CPED1: variants seen among roughly 807,000 people sequenced by gnomAD.
CPED1 encodes the protein cadherin-like and PC-esterase domain-containing protein 1.
In CPED1, 114 loss-of-function variants were observed where a neutral mutation model predicts 128.2. The observed-to-expected ratio is 0.89, with a 90% CI of 0.76 to 1.04. The LOEUF is 1.04. Ranked by LOEUF, CPED1 falls within the 50% of genes least tolerant of loss-of-function variation. The pLI is 0.00. For missense variants in CPED1, 1,211 were observed against 1,207.1 expected (o/e 1.00, Z -0.05); for synonymous variants, 462 against 426.7 (o/e 1.08, Z -1.02).
chr7:121,269,246 A>C (rs771230143), intron 21 of CPED1, among the ~76,000 whole-genome samples: 7 of 152,036 alleles, frequency 4.6e-5, no homozygotes, highest in Non-Finnish European at 5.9e-5. Flanking sequence ...ATAAGTGAGG[A>C]GATGCAGTAT....
At chr7:121,117,040 C>T (rs1795257529) in intron 7 of CPED1, among the ~76,000 whole-genome samples, 1 of 143,010 alleles carries the variant, frequency 7.0e-6, no homozygotes, top group African/African-American at 2.6e-5. Flanking sequence ...TGTATATACA[C>T]ACACATATAT....
chr7:120,992,201 C>T (rs955998829), intron 2 of CPED1, among the ~76,000 whole-genome samples: 8 of 152,006 alleles, frequency 5.3e-5, no homozygotes, highest in African/African-American at 1.7e-4. Flanking sequence ...ATATAGGTTT[C>T]CTGAAAACCT....
chr7:121,019,592 C>T (rs1171578513), intron 3 of CPED1, among the ~76,000 whole-genome samples: 1 of 151,976 alleles, frequency 6.6e-6, no homozygotes, highest in Non-Finnish European at 1.5e-5. Flanking sequence ...AGTCTGCTTG[C>T]TATTATGCTA....
chr7:121,048,813 A>G (rs1390812111), intron 4 of CPED1, among the ~76,000 whole-genome samples: 1 of 152,204 alleles, frequency 6.6e-6, no homozygotes, highest in African/African-American at 2.4e-5. Flanking sequence ...TTCTGGGATT[A>G]CAGGCCTAAG....
chr7:121,259,122 G>T (rs1484104105), intron 18 of CPED1, among the ~76,000 whole-genome samples: 1 of 151,980 alleles, frequency 6.6e-6, no homozygotes, highest in Non-Finnish European at 1.5e-5. Flanking sequence ...TTTTCCTACT[G>T]TTGTACATTG....
At chr7:121,262,331 CAG>C (rs370597141) in intron 18 of CPED1, among the ~76,000 whole-genome samples, 12 of 152,130 alleles carry the variant, frequency 7.9e-5, no homozygotes, top group Non-Finnish European at 1.8e-4. Flanking sequence ...TGATGCAAGA[CAG>C]ACTAATGTAA....
chr7:121,079,911 G>A (rs1794241258), intron 5 of CPED1, among the ~76,000 whole-genome samples: 1 of 152,198 alleles, frequency 6.6e-6, no homozygotes, highest in Non-Finnish European at 1.5e-5. Context: ...GTAACACGCT[G>A]ATAATTTGTA....
chr7:121,076,863 T>C (rs1369811740), intron 5 of CPED1, among the ~76,000 whole-genome samples: 3 of 151,914 alleles, frequency 2.0e-5, no homozygotes, highest in African/African-American at 7.3e-5. Context: ...AAAACCTAAA[T>C]CAGAAAGAAA....
intron 18 of CPED1, among the ~76,000 whole-genome samples, chr7:121,250,819 ATAAT>A (rs1253027042): frequency 1.3e-5 from 2 of 149,824 alleles, no homozygotes; most frequent in Non-Finnish European, 3.0e-5. Flanking sequence ...AATTGAGGCA[ATAAT>A]TAATAGCTTA....
chr7:121,031,064 T>A (rs1420958512), intron 3 of CPED1, among the ~76,000 whole-genome samples: 2 of 152,206 alleles, frequency 1.3e-5, no homozygotes, highest in Non-Finnish European at 2.9e-5. Flanking sequence ...AACCAGAATA[T>A]CATACAGATT....
Position 121,189,135 on chromosome 7 carries a change from C to T in CPED1, c.2055+46994C>T, listed in dbSNP as rs933281061. 3.3e-5 allele frequency among the ~76,000 whole-genome samples: 5 copies of T among 152,020 alleles called. No individual in the cohort carries two copies. In the East Asian group the frequency reaches 7.7e-4, roughly 24 times the overall value. Reference sequence around the variant, plus strand: ...TGGTGTTCCATTCTACCTTTACTTCCGACATTTTCCTTGCTCCAAGATAGC... The same window carrying T: ...TGGTGTTCCATTCTACCTTTACTTCTGACATTTTCCTTGCTCCAAGATAGC... On this transcript the variant is annotated intron_variant, in intron 16 of 22. Transcript: ENST00000310396.
chr7:121,075,943 T>C (rs1186044075), intron 5 of CPED1, among the ~76,000 whole-genome samples: 3 of 152,190 alleles, frequency 2.0e-5, no homozygotes, highest in African/African-American at 4.8e-5. Flanking sequence ...AGTGAACCCA[T>C]GCAGTTCAAA....
At chr7:121,173,353 G>T (rs1382336916) in intron 16 of CPED1, among the ~76,000 whole-genome samples, 2 of 151,878 alleles carry the variant, frequency 1.3e-5, no homozygotes, top group African/African-American at 4.8e-5. Flanking sequence ...CCTTACCCAG[G>T]TACTAAGCCT....
At chr7:121,150,147 C>G (rs563464996) in intron 16 of CPED1, among the ~76,000 whole-genome samples, 65 of 151,570 alleles carry the variant, frequency 4.3e-4, no homozygotes, top group African/African-American at 1.6e-3. Context: ...ACAATTGAAC[C>G]CACCACCCAG....
chr7:121,108,882 C>T (rs948944266), intron 7 of CPED1, among the ~76,000 whole-genome samples: 2 of 152,018 alleles, frequency 1.3e-5, no homozygotes, highest in Admixed American at 6.6e-5. Flanking sequence ...AAATTAAGAC[C>T]TAAACTTTTT....
intron 16 of CPED1, among the ~76,000 whole-genome samples, chr7:121,176,000 G>C (rs1052361927): frequency 2.0e-5 from 3 of 151,936 alleles, no homozygotes; most frequent in African/African-American, 7.2e-5. Context: ...CTTGAGGTGA[G>C]TGCCCTCCTA....
chr7:121,278,450 C>A (rs770115096), intron 22 of CPED1, among the ~76,000 whole-genome samples: 1 of 152,034 alleles, frequency 6.6e-6, no homozygotes, highest in Non-Finnish European at 1.5e-5. Context: ...TACTTCTTAC[C>A]CCCCACCAGG....
intron 4 of CPED1, among the ~76,000 whole-genome samples, chr7:121,057,926 G>A (rs894136223): frequency 6.6e-6 from 1 of 152,142 alleles, no homozygotes; most frequent in African/African-American, 2.4e-5. Context: ...AATATTGGGG[G>A]ATTGAGTTTA....
intron 7 of CPED1, among the ~76,000 whole-genome samples, chr7:121,101,451 C>T (rs1794847736): frequency 6.6e-6 from 1 of 151,922 alleles, no homozygotes; most frequent in Non-Finnish European, 1.5e-5. Context: ...CTTCCTTCTC[C>T]TGTTGACCAG....
Sources: gnomAD v4.1 joint callset for allele counts (sites outside exome capture counted in the v4.1 genomes callset) on GRCh38, gnomAD v4.1.1 for gene constraint, MANE v1.5 for transcripts, NCBI Gene and HGNC (gene_info 2026-07-23, HGNC 2026-07-21) for gene names.